Variants in ATXN2 observed in about 807,000 individuals in gnomAD.
The protein encoded by ATXN2 is ataxin-2.
Under a neutral mutation model 138.6 loss-of-function variants are expected in ATXN2, and 37 were observed. The ratio of observed to expected loss-of-function variants is 0.27; its 90% CI spans 0.21 to 0.35. The LOEUF is 0.35. Ranked by LOEUF, ATXN2 falls within the 10% of genes least tolerant of loss-of-function variation. The pLI, the probability that ATXN2 is intolerant of heterozygous loss-of-function variation, is 1.00. For missense variants in ATXN2, 1,216 were observed against 1,480.3 expected (o/e 0.82, Z 2.93); for synonymous variants, 549 against 543.7 (o/e 1.01, Z -0.13).
chr12:111,565,506 A>C (rs1484288347), intron 1 of ATXN2, among the ~76,000 whole-genome samples: 2 of 152,174 alleles, frequency 1.3e-5, no homozygotes, highest in East Asian at 3.8e-4. Flanking sequence ...TACAATTATT[A>C]TTGTATCTGT....
chr12:111,583,140 G>A (rs548155267), intron 1 of ATXN2, among the ~76,000 whole-genome samples: 3 of 150,816 alleles, frequency 2.0e-5, no homozygotes, highest in East Asian at 3.9e-4. Flanking sequence ...CTACAGATGC[G>A]CACCACCATG....
chr12:111,513,068 A>T (rs1157286441), intron 11 of ATXN2: 2 of 339,282 alleles, frequency 5.9e-6, no homozygotes, highest in African/African-American at 2.2e-5. Flanking sequence ...TGTATTTATG[A>T]ACCTTATAGG....
chr12:111,522,305 T>C (rs1880210206), intron 6 of ATXN2, among the ~76,000 whole-genome samples: 1 of 150,690 alleles, frequency 6.6e-6, no homozygotes, highest in South Asian at 2.1e-4. Context: ...CCAGCGTGCA[T>C]AAATAACTAC....
intron 1 of ATXN2, among the ~76,000 whole-genome samples, chr12:111,589,721 G>A (rs927042554): frequency 1.6e-4 from 25 of 151,962 alleles, no homozygotes; most frequent in African/African-American, 2.2e-4. Flanking sequence ...GCACTGAGCC[G>A]ATATCCTGCC....
chr12:111,505,837 A>G (rs1049600365), intron 14 of ATXN2, among the ~76,000 whole-genome samples: 4 of 152,360 alleles, frequency 2.6e-5, no homozygotes, highest in East Asian at 1.9e-4. Context: ...TTCAACTCCT[A>G]GGTAGGTACA....
intron 14 of ATXN2, among the ~76,000 whole-genome samples, chr12:111,506,253 G>A (rs939717832): frequency 6.6e-6 from 1 of 152,112 alleles, no homozygotes; most frequent in African/African-American, 2.4e-5. Context: ...TGGGCACGGG[G>A]TTTCTTTTGG....
At chr12:111,503,695 T>G (rs1342992103) in intron 14 of ATXN2, among the ~76,000 whole-genome samples, 1 of 152,040 alleles carries the variant, frequency 6.6e-6, no homozygotes, top group African/African-American at 2.4e-5. Context: ...ATTCAAGTGA[T>G]TCTCCTGCCT....
At chr12:111,483,144 G>A (rs1443591507) in intron 18 of ATXN2, among the ~76,000 whole-genome samples, 5 of 150,648 alleles carry the variant, frequency 3.3e-5, no homozygotes, top group African/African-American at 7.4e-5. Flanking sequence ...CCATGATAGC[G>A]CCACTGCGTT....
At chr12:111,575,288 C>T (rs1883570854) in intron 1 of ATXN2, among the ~76,000 whole-genome samples, 1 of 152,128 alleles carries the variant, frequency 6.6e-6, no homozygotes, top group African/African-American at 2.4e-5. Flanking sequence ...TGAGCTCAAG[C>T]AATCCTCTCG....
intron 1 of ATXN2, among the ~76,000 whole-genome samples, chr12:111,570,691 G>A (rs1883269932): frequency 2.0e-5 from 3 of 152,056 alleles, no homozygotes; most frequent in Admixed American, 2.0e-4. Context: ...TTATTTTGAA[G>A]CCCTTTTTCT....
chr12:111,472,415 A>G (rs10774625), intron 18 of ATXN2, among the ~76,000 whole-genome samples: 101,519 of 151,972 alleles, frequency 0.67, 36,983 homozygotes, highest in East Asian at 1. Flanking sequence ...CTAACATATA[A>G]ACAGCAATAG....
chr12:111,558,469 C>T (rs190783687), intron 1 of ATXN2, among the ~76,000 whole-genome samples: 1 of 152,252 alleles, frequency 6.6e-6, no homozygotes, highest in Admixed American at 6.5e-5. Flanking sequence ...ATATGAAATT[C>T]AAGTGTGACT....
chr12:111,577,415 G>A (rs1406111047), intron 1 of ATXN2, among the ~76,000 whole-genome samples: 3 of 151,810 alleles, frequency 2.0e-5, no homozygotes, highest in South Asian at 2.1e-4. Context: ...ACAGGCGCCC[G>A]CCACCACACC....
Position 111,457,278 on chromosome 12 carries a change from G to C in ATXN2, c.2978C>G (p.Ala993Gly). Reference protein sequence around the residue: ...HPHTPHPQPSATPTGQQQSQH... With the variant: ...HPHTPHPQPSGTPTGQQQSQH... ...GCTTTGCTGCTGTCCAGTGGGGGTAGCTGAAGGCTGAGGGTGTGGAGTATG... is the reference window on the plus strand; with the variant it reads ...GCTTTGCTGCTGTCCAGTGGGGGTACCTGAAGGCTGAGGGTGTGGAGTATG... Residue 993 changes from alanine (A) to glycine (G), a missense_variant, in exon 22 of 25, where the codon GCT becomes GGT. Coordinates refer to ENST00000673436, the MANE Select transcript of ATXN2 (RefSeq NM_001372574.1). The C allele has an allele frequency of 6.2e-7, 1 of 1,614,180 alleles. No homozygotes were observed. Among genetic ancestry groups the C allele is most frequent in the Non-Finnish European group, 8.5e-7 (1 of 1,180,012 alleles).
chr12:111,535,886 G>A (rs942479825), intron 5 of ATXN2, among the ~76,000 whole-genome samples: 1 of 150,114 alleles, frequency 6.7e-6, no homozygotes, highest in Non-Finnish European at 1.5e-5. Flanking sequence ...TGTAGTCCCA[G>A]CTACTTGGGA....
intron 5 of ATXN2, among the ~76,000 whole-genome samples, chr12:111,535,852 T>G (rs559838776): frequency 1.7e-3 from 260 of 150,884 alleles, no homozygotes; most frequent in African/African-American, 6.0e-3. Context: ...TACAAAAAAT[T>G]AGCCGGGCGT....
chr12:111,599,154 G>A lies in ATXN2; in HGVS notation c.-120C>T. On this transcript the variant is annotated 5_prime_UTR_variant, in exon 1 of 25. Transcript: ENST00000673436. Reference sequence around the variant, plus strand: ...GCGCCGAGCGGGGAGGCGCGGGTTGGCGCGGCCGGAGGGGCGCCCGGGCTG... The same window carrying A: ...GCGCCGAGCGGGGAGGCGCGGGTTGACGCGGCCGGAGGGGCGCCCGGGCTG... 8.3e-7 allele frequency: 1 copy of A among 1,211,282 alleles called. No homozygotes were observed. The highest frequency in any genetic ancestry group is 1.0e-6 in the Non-Finnish European group (1 of 975,670). The allele number at this position is 1,211,282 out of a possible 1,614,324, so 75.0% of individuals were successfully genotyped here. A position where few individuals can be genotyped will look rare whatever the true frequency, so the allele number is the denominator to read the frequency against.
intron 6 of ATXN2, 82 bp downstream of exon 6, chr12:111,525,110 C>T: frequency 6.7e-7 from 1 of 1,497,898 alleles, no homozygotes; most frequent in Non-Finnish European, 8.9e-7. Context: ...ACAACAACAA[C>T]AAAAGCACAT....
Position 111,598,822 on chromosome 12 carries a change from G to T in ATXN2, c.213C>A (p.Val71=). ...GCCTCCCGCCGCCGGAGGTCGCCGCGACCACCGAGGAGGGAGCCGTGGCCG... is the reference window on the plus strand; with the variant it reads ...GCCTCCCGCCGCCGGAGGTCGCCGCTACCACCGAGGAGGGAGCCGTGGCCG... ...SSSATAPSSV[V]AATSGGGRPG... is the part of the protein sequence containing the mutation. Residue 71 remains valine (V), a synonymous_variant, in exon 1 of 25, where the codon GTC becomes GTA. Coordinates refer to ENST00000673436, the MANE Select transcript of ATXN2 (RefSeq NM_001372574.1). This position sits in a 1 kb window ranked among gnomAD's most constrained non-coding sequence, Gnocchi z 4.5. 7.0e-7 allele frequency: 1 copy of T among 1,419,026 alleles called. No individual in the cohort carries two copies. Among genetic ancestry groups the T allele is most frequent in the Non-Finnish European group, 9.1e-7 (1 of 1,094,526 alleles). The allele number at this position is 1,419,026 out of a possible 1,614,324, so 87.9% of individuals were successfully genotyped here.
Sources: allele counts gnomAD v4.1 joint callset (sites outside exome capture counted in the v4.1 genomes callset), GRCh38; gene constraint gnomAD v4.1.1; non-coding constraint Gnocchi (gnomAD v3.1); transcripts MANE v1.5; gene names NCBI Gene and HGNC (gene_info 2026-07-23, HGNC 2026-07-21).